Variants in GPR137 observed in about 807,000 individuals in gnomAD.
GPR137 encodes G protein-coupled receptor 137.
In GPR137, 20 loss-of-function variants were observed where a neutral mutation model predicts 38.9. That is an observed-to-expected ratio of 0.51 (90% CI 0.36 to 0.75). The LOEUF is 0.75. Among genes scored for constraint, GPR137 ranks in the 30% least tolerant of loss-of-function variants. The probability of loss-of-function intolerance (pLI) is 0.00; values close to 1 mark genes in which losing one functional copy is unlikely to be tolerated. For synonymous variants in GPR137, 226 were observed against 235.8 expected (o/e 0.96, Z 0.38); for missense variants, 456 against 526.4 (o/e 0.87, Z 1.31).
At chr11:64,281,708 CT>C (rs2033485718), upstream of GPR137, among the ~76,000 whole-genome samples, 1 of 152,198 alleles carries the variant, frequency 6.6e-6, no homozygotes, top group Non-Finnish European at 1.5e-5. Context: ...CCCCCCGCCC[CT>C]GTGACTCCGG....
chr11:64,288,924 G>T lies in GPR137; in HGVS notation c.1032-113G>T. On this transcript the variant is annotated intron_variant, in intron 6 of 6. Transcript: ENST00000438980. The surrounding 1 kb of genome is among the most constrained non-coding windows in gnomAD (Gnocchi z 5.5). ...TGCCTAGAGATGTACTTTGTCCTGGGCCCCGAAGGTCTAGGTCACAGGGGT... is the reference window on the plus strand; with the variant it reads ...TGCCTAGAGATGTACTTTGTCCTGGTCCCCGAAGGTCTAGGTCACAGGGGT... The T allele has an allele frequency of 1.4e-6, 2 of 1,442,912 alleles. No individual in the cohort carries two copies. The highest frequency in any genetic ancestry group is 1.8e-6 in the Non-Finnish European group (2 of 1,103,380). 89.4% of individuals were successfully genotyped at this position (1,442,912 alleles called of 1,614,324 possible). A position where few individuals can be genotyped will look rare whatever the true frequency, so the allele number is the denominator to read the frequency against.
upstream of GPR137, chr11:64,284,241 C>T (rs1345951820): frequency 1.9e-6 from 3 of 1,610,410 alleles, no homozygotes; most frequent in African/African-American, 2.7e-5. Context: ...CCACAGGAGG[C>T]CTGGGGCCTG....
chr11:64,287,289 A>G, intron 2 of GPR137: 1 of 985,392 alleles, frequency 1.0e-6, no homozygotes, highest in Non-Finnish European at 1.2e-6. Context: ...AGCCCATGGA[A>G]GCACCAAAGC....
intron 2 of GPR137, chr11:64,277,095 C>A: frequency 1.5e-6 from 1 of 670,606 alleles, no homozygotes; most frequent in Non-Finnish European, 2.8e-6. Flanking sequence ...GACACTTGCA[C>A]ACTGAATTGC....
rs2034068798 is a variant in GPR137 at position 64,286,448 on chromosome 11, C to T, written c.-77C>T. ...CCTCTCTGCACCCTGCAATTCCCAC[C>T]CCTCCGTATTTATTTCCCTGGTCCC... On this transcript the variant is annotated 5_prime_UTR_variant, in exon 1 of 7. Transcript: ENST00000438980. 5 of 1,539,188 alleles carry T rather than the reference C, an allele frequency of 3.2e-6. No homozygotes were observed. The highest frequency in any genetic ancestry group is 1.4e-5 in the African/African-American group (1 of 73,184).
upstream of GPR137, chr11:64,271,481 G>A: frequency 1.1e-6 from 1 of 948,568 alleles, no homozygotes; most frequent in Non-Finnish European, 1.4e-6. Context: ...CTGGAGCTAG[G>A]AAGGAACAGG....
In GPR137 at chr11:64,288,733, G is replaced by C. The variant is rs182665360; in HGVS notation, c.1031+12G>C. The C allele has an allele frequency of 1.3e-5, 20 of 1,536,066 alleles. No individual in the cohort carries two copies. The African/African-American group carries it at 2.5e-4, about 19-fold the overall frequency. Reference sequence around the variant, plus strand: ...GGTGAGAGCACCAGGTAGGAGCCGTGGCACTGCCTCAGTACCCCTGCCCTA... The same window carrying C: ...GGTGAGAGCACCAGGTAGGAGCCGTCGCACTGCCTCAGTACCCCTGCCCTA... On this transcript the variant is annotated intron_variant, in intron 6 of 6. Coordinates refer to ENST00000438980, the MANE Select transcript of GPR137 (RefSeq NM_001170880.2). This position sits in a 1 kb window ranked among gnomAD's most constrained non-coding sequence, Gnocchi z 5.5.
upstream of GPR137, among the ~76,000 whole-genome samples, chr11:64,282,646 G>A (rs1565351727): frequency 6.6e-6 from 1 of 152,170 alleles, no homozygotes; most frequent in Non-Finnish European, 1.5e-5. Flanking sequence ...TTGGGAGGCT[G>A]AGGCGGGTGG....
At chr11:64,284,801 C>T (rs572555375), upstream of GPR137, 397 of 1,524,894 alleles carry the variant, frequency 2.6e-4, 4 homozygotes, top group African/African-American at 4.5e-3. Flanking sequence ...CCCGGCCCCG[C>T]CCCCCCGCCG....
chr11:64,278,152 G>C (rs1383856780), intron 2 of GPR137, among the ~76,000 whole-genome samples: 1 of 152,042 alleles, frequency 6.6e-6, no homozygotes, highest in African/African-American at 2.4e-5. Flanking sequence ...AAATTAGCCA[G>C]GCATGGTGGC....
At chr11:64,284,724 T>C (rs1429404341), upstream of GPR137, 45 of 1,535,836 alleles carry the variant, frequency 2.9e-5, no homozygotes, top group Non-Finnish European at 3.9e-5. Flanking sequence ...ACGGGAACTG[T>C]CAGCGACCTG....
chr11:64,280,963 C>T (rs936869329), upstream of GPR137, among the ~76,000 whole-genome samples: 11 of 146,768 alleles, frequency 7.5e-5, no homozygotes, highest in African/African-American at 2.5e-4. Context: ...CCACCACGCC[C>T]GGCCAATAAT....
chr11:64,273,504 C>G (rs575892252), upstream of GPR137, among the ~76,000 whole-genome samples: 12 of 152,286 alleles, frequency 7.9e-5, no homozygotes, highest in African/African-American at 2.9e-4. Context: ...CCAACTCCTG[C>G]CAACTCCACT....
upstream of GPR137, among the ~76,000 whole-genome samples, chr11:64,282,749 C>T (rs914370195): frequency 2.0e-5 from 3 of 150,192 alleles, no homozygotes; most frequent in East Asian, 2.0e-4. Flanking sequence ...CATGGTGACA[C>T]GCGCCTGTAG....
At chr11:64,271,859 T>TG (rs2032653385), upstream of GPR137, 7 of 1,296,828 alleles carry the variant, frequency 5.4e-6, no homozygotes, top group Non-Finnish European at 6.9e-6. Flanking sequence ...TCTAAGCCCC[T>TG]GGCCCTGCCT....
upstream of GPR137, among the ~76,000 whole-genome samples, chr11:64,283,782 C>T (rs545174968): frequency 1.3e-4 from 20 of 152,264 alleles, no homozygotes; most frequent in African/African-American, 4.6e-4. Flanking sequence ...CCTAACCCCA[C>T]ACTAATAGCT....
In GPR137 at chr11:64,289,182, ACCCCACAGACGTGATCCCCCTCCCTC is replaced by A; in HGVS notation, c.1187_*21del. 1 of 1,612,480 alleles carries A rather than the reference ACCCCACAGACGTGATCCCCCTCCCTC, an allele frequency of 6.2e-7. No homozygotes were observed. The highest frequency in any genetic ancestry group is 8.5e-7 in the Non-Finnish European group (1 of 1,179,350). On this transcript the variant is annotated stop_lost and 3_prime_UTR_variant, in exon 7 of 7. Transcript: ENST00000438980. ...CGGCCACCACCACAGTCTCTACTCCACCCCACAGACGTGATCCCCCTCCCTCCCCCACAGAATACCCAGGCCCCAGT... is the reference window on the plus strand; with the variant it reads ...CGGCCACCACCACAGTCTCTACTCCACCCCACAGAATACCCAGGCCCCAGT...
chr11:64,285,913 C>A lies in GPR137; in HGVS notation c.-612C>A. The A allele has an allele frequency of 1.0e-6, 1 of 966,206 alleles. No individual in the cohort carries two copies. Among genetic ancestry groups the A allele is most frequent in the Non-Finnish European group, 1.2e-6 (1 of 812,506 alleles). 59.9% of individuals were successfully genotyped at this position (966,206 alleles called of 1,614,324 possible). The stretch of plus-strand genomic sequence containing the variant: ...CGACCTGAGCCGGCTCTCCCATCAG[C>A]GGCCTGAGGACCTGGCGTCCGCCTC... On this transcript the variant is annotated 5_prime_UTR_variant, in exon 1 of 7. Transcript: ENST00000438980.
chr11:64,287,838 C>T lies in GPR137; in HGVS notation c.525C>T (p.Arg175=), dbSNP rs1016836370. ...RAQPWALLLV[R]VLVSDSLFVI... ...AGCCCTGGGCCCTGCTGCTTGTCCG[C>T]GTCCTGGTGAGCGACTCCCTGTTCG... The change falls in exon 3 of 7, where the codon CGC becomes CGT. Residue 175 remains arginine, a synonymous_variant. Coordinates refer to ENST00000438980, the MANE Select transcript of GPR137 (RefSeq NM_001170880.2). 11 of 1,606,010 alleles carry T rather than the reference C, an allele frequency of 6.8e-6. No individual in the cohort carries two copies. Among genetic ancestry groups the T allele is most frequent in the African/African-American group, 1.3e-5 (1 of 74,936 alleles).
Sources: gnomAD v4.1 joint callset for allele counts (sites outside exome capture counted in the v4.1 genomes callset) on GRCh38, gnomAD v4.1.1 for gene constraint, Gnocchi (gnomAD v3.1) non-coding constraint, MANE v1.5 for transcripts, NCBI Gene and HGNC (gene_info 2026-07-23, HGNC 2026-07-21) for gene names.